IL23R: variants seen among roughly 807,000 people sequenced by gnomAD.
IL23R encodes interleukin 23 receptor.
IL23R carries 34 observed loss-of-function variants against 56.9 expected under a neutral mutation model. The ratio of observed to expected loss-of-function variants is 0.60; its 90% CI spans 0.45 to 0.80. IL23R has a LOEUF of 0.80. Ranked by LOEUF, IL23R falls within the 30% of genes least tolerant of loss-of-function variation. The pLI, the probability that IL23R is intolerant of heterozygous loss-of-function variation, is 0.00. For missense variants in IL23R, 635 were observed against 730.0 expected, an observed-to-expected ratio of 0.87 and a Z score of 1.50; for synonymous variants, 230 against 249.2, an observed-to-expected ratio of 0.92 and a Z score of 0.73.
At chr1:67,245,528 A>G (rs1652160157) in intron 9 of IL23R, among the ~76,000 whole-genome samples, 1 of 152,144 alleles carries the variant, frequency 6.6e-6, no homozygotes, top group South Asian at 2.1e-4. Context: ...AGGGCTGTTG[A>G]ATTTTGTCAA....
chr1:67,209,813 C>T (rs1000993926), intron 6 of IL23R, among the ~76,000 whole-genome samples: 5 of 152,172 alleles, frequency 3.3e-5, no homozygotes, highest in Non-Finnish European at 5.9e-5. Flanking sequence ...TGTATGCTTG[C>T]AAACAGAGAA....
chr1:67,182,291 G>A (rs186855615), intron 3 of IL23R, among the ~76,000 whole-genome samples: 3,323 of 152,230 alleles, frequency 0.022, 118 homozygotes, highest in African/African-American at 0.075. Flanking sequence ...CACCCAGTTC[G>A]AGCTTCCCAG....
intron 9 of IL23R, among the ~76,000 whole-genome samples, chr1:67,245,240 C>T (rs1181858129): frequency 2.0e-5 from 3 of 152,152 alleles, no homozygotes; most frequent in African/African-American, 7.2e-5. Context: ...TCTAAATATA[C>T]AGTCATGTCA....
At chr1:67,213,575 G>T (rs1463109906) in intron 6 of IL23R, among the ~76,000 whole-genome samples, 1 of 152,178 alleles carries the variant, frequency 6.6e-6, no homozygotes, top group African/African-American at 2.4e-5. Context: ...AACTTATCAT[G>T]CAGCTGAAAA....
chr1:67,205,867 ACATC>A (rs1648966902), intron 5 of IL23R, among the ~76,000 whole-genome samples: 1 of 135,592 alleles, frequency 7.4e-6, no homozygotes, highest in South Asian at 2.3e-4. Flanking sequence ...TCTGAATTGA[ACATC>A]CATCTTTCTT....
At chr1:67,148,541 G>A (rs1043119260) in intron 1 of IL23R, among the ~76,000 whole-genome samples, 1 of 152,182 alleles carries the variant, frequency 6.6e-6, no homozygotes, top group Non-Finnish European at 1.5e-5. Flanking sequence ...TACAAGCCTC[G>A]TGTTTGAAGG....
chr1:67,169,591 A>C lies in IL23R; in HGVS notation c.320A>C (p.Lys107Thr). The C allele has an allele frequency of 6.2e-7, 1 of 1,614,168 alleles. No individual in the cohort carries two copies. The highest frequency in any genetic ancestry group is 8.5e-7 in the Non-Finnish European group (1 of 1,179,990). The part of the protein sequence containing the change: ...ASMYCTAECP[K>T]HFQETLICGK... ...ATGTACTGCACTGCTGAATGTCCCAAACATTTTCAAGAGACACTGATATGT... is the reference window on the plus strand; with the variant it reads ...ATGTACTGCACTGCTGAATGTCCCACACATTTTCAAGAGACACTGATATGT... The change falls in exon 3 of 11, where the codon AAA becomes ACA. Residue 107 changes from lysine to threonine, a missense_variant. Transcript: ENST00000347310.
At chr1:67,147,024 C>T (rs1194627888) in intron 1 of IL23R, among the ~76,000 whole-genome samples, 2 of 152,054 alleles carry the variant, frequency 1.3e-5, no homozygotes, top group Non-Finnish European at 2.9e-5. Flanking sequence ...TGAGTACAGG[C>T]CCCAAGACAG....
At chr1:67,153,184 A>G (rs1339458520) in intron 1 of IL23R, among the ~76,000 whole-genome samples, 5 of 152,088 alleles carry the variant, frequency 3.3e-5, no homozygotes, top group African/African-American at 7.2e-5. Flanking sequence ...TGGGAGGTGT[A>G]TGTGTCAAGA....
At chr1:67,222,102 CTTTTTTTTTTTTTTTTTT>C (rs72241835) in intron 7 of IL23R, among the ~76,000 whole-genome samples, 2 of 58,890 alleles carry the variant, frequency 3.4e-5, no homozygotes, top group African/African-American at 1.3e-4. Context: ...TTCTTTCTTT[CTTTTTTTTTTTTTTTTTT>C]TTTTTTTTTT....
chr1:67,196,338 G>T (rs1648152315), intron 4 of IL23R: 1 of 151,924 alleles, frequency 6.6e-6, no homozygotes, highest in Admixed American at 6.6e-5. Context: ...GAACAGCCTG[G>T]GCAACATAGC....
chr1:67,204,087 G>A lies in IL23R; in HGVS notation c.653-2823G>A, dbSNP rs376902223. 6.6e-5 allele frequency among the ~76,000 whole-genome samples: 10 copies of A among 151,710 alleles called. No individual in the cohort carries two copies. In the South Asian group the frequency reaches 1.9e-3, roughly 28 times the overall value. ...TACTTTTTTTTTCTTTTTTTGAGAC[G>A]GAGTCTCGCTCTGTCGCCCAGGCTG... On this transcript the variant is annotated intron_variant, in intron 5 of 10. Transcript: ENST00000347310.
chr1:67,240,763 C>T (rs1162944041), intron 9 of IL23R, among the ~76,000 whole-genome samples: 11 of 152,100 alleles, frequency 7.2e-5, no homozygotes, highest in Non-Finnish European at 1.3e-4. Flanking sequence ...AATGAATGTG[C>T]GAATTGGGCA....
intron 6 of IL23R, 144 bp from the exon 7 acceptor site, chr1:67,219,430 C>T (rs956201563): frequency 4.2e-6 from 3 of 719,110 alleles, no homozygotes; most frequent in African/African-American, 1.8e-5. Context: ...TTATGTACGG[C>T]CACGTTTTAT....
chr1:67,212,600 C>T (rs1376181417), intron 6 of IL23R, among the ~76,000 whole-genome samples: 1 of 151,286 alleles, frequency 6.6e-6, no homozygotes, highest in Non-Finnish European at 1.5e-5. Context: ...GGCTGGAGCG[C>T]AGTGGCGCAA....
Position 67,166,743 on chromosome 1 carries a change from A to G in IL23R, c.-30+202A>G, listed in dbSNP as rs980263427. 2.0e-5 allele frequency among the ~76,000 whole-genome samples: 3 copies of G among 152,200 alleles called. No individual in the cohort carries two copies. In the East Asian group the frequency reaches 5.8e-4, roughly 29 times the overall value. On this transcript the variant is annotated intron_variant, in intron 1 of 10. Transcript: ENST00000347310. ...TATTTCCATCAGTTAACTTCTAACT[A>G]GGAACATTTTTAGGGCTTCTGTTGC...
chr1:67,225,097 G>A (rs1650527494), intron 7 of IL23R, among the ~76,000 whole-genome samples: 1 of 152,156 alleles, frequency 6.6e-6, no homozygotes, highest in Non-Finnish European at 1.5e-5. Flanking sequence ...AAGAGACCTA[G>A]GAGGGTCCTG....
Position 67,234,967 on chromosome 1 carries a change from A to G in IL23R, c.956-1746A>G, listed in dbSNP as rs149616038. 9.5e-3 allele frequency among the ~76,000 whole-genome samples: 1,443 copies of G among 152,236 alleles called. 24 individuals are homozygous for G. The highest frequency in any genetic ancestry group is 0.032 in the African/African-American group (1,347 of 41,526). On this transcript the variant is annotated intron_variant, in intron 7 of 10. Transcript: ENST00000347310. ...CTCCTCAGCATCCCAAAGTGCTGGG[A>G]TTACAGGCATGAGCCACTGCAACTG...
rs116946773 is a variant in IL23R at position 67,186,153 on chromosome 1, G to A, written c.491+3194G>A. Among the ~76,000 whole-genome samples the A allele has an allele frequency of 5.6e-4, 85 of 152,294 alleles. 2 individuals carry two copies. In the East Asian group the frequency reaches 0.011, roughly 20 times the overall value. The stretch of plus-strand genomic sequence containing the variant: ...TCATTGCTAAGTCAACTTTAGGAAT[G>A]TGAAGGTGAGGGCAGTATGGCAGCA... On this transcript the variant is annotated intron_variant, in intron 4 of 10. Coordinates refer to ENST00000347310, the MANE Select transcript of IL23R (RefSeq NM_144701.3).
Sources: gnomAD v4.1 joint callset for allele counts (sites outside exome capture counted in the v4.1 genomes callset) on GRCh38, gnomAD v4.1.1 for gene constraint, MANE v1.5 for transcripts, NCBI Gene and HGNC (gene_info 2026-07-23, HGNC 2026-07-21) for gene names.